Variants in PUS10 observed in about 807,000 individuals in gnomAD.
The protein encoded by PUS10 is tRNA pseudouridine synthase Pus10.
Under a neutral mutation model 75.0 loss-of-function variants are expected in PUS10, and 59 were observed. The ratio of observed to expected loss-of-function variants is 0.79; its 90% CI spans 0.64 to 0.98. The LOEUF (loss-of-function observed/expected upper bound fraction) is 0.98. Ranked by LOEUF, PUS10 falls within the 50% of genes least tolerant of loss-of-function variation. The pLI, the probability that PUS10 is intolerant of heterozygous loss-of-function variation, is 0.00. For missense variants in PUS10, 650 were observed against 614.4 expected (o/e 1.06, Z -0.61); for synonymous variants, 219 against 211.6 (o/e 1.03, Z -0.30).
In PUS10 at chr2:61,008,796, G is replaced by A; in HGVS notation, c.346C>T (p.Leu116Phe). 6.3e-7 allele frequency: 1 copy of A among 1,588,860 alleles called. No homozygotes were observed. Among genetic ancestry groups the A allele is most frequent in the African/African-American group, 1.4e-5 (1 of 73,920 alleles). The change falls in exon 3 of 18, where the codon CTT (leucine) becomes TTT (phenylalanine). Residue 116 changes from leucine (L) to phenylalanine (F), a missense_variant. Transcript: ENST00000316752. ...AAATCTTTCTCACAGAATTCTTGAAGAATTCCTAGGCATACATTACATACA... is the reference window on the plus strand; with the variant it reads ...AAATCTTTCTCACAGAATTCTTGAAAAATTCCTAGGCATACATTACATACA... ...LNVCNVCLGILQEFCEKDFIK... is the reference protein window; with the variant it reads ...LNVCNVCLGIFQEFCEKDFIK...
chr2:61,001,053 G>C (rs930138649), intron 4 of PUS10, among the ~76,000 whole-genome samples: 1 of 152,066 alleles, frequency 6.6e-6, no homozygotes, highest in African/African-American at 2.4e-5. Context: ...CATTTTCCTC[G>C]ACATAAAGGA....
At position 60,990,397 on chromosome 2, in the gene PUS10, A is replaced by G. The variant is rs1256895175; in HGVS notation, c.468+16160T>C. Among the ~76,000 whole-genome samples the G allele has an allele frequency of 2.0e-5, 3 of 152,336 alleles. No individual in the cohort carries two copies. The South Asian group carries it at 6.2e-4, about 32-fold the overall frequency. On this transcript the variant is annotated intron_variant, in intron 4 of 17. Coordinates refer to ENST00000316752, the MANE Select transcript of PUS10 (RefSeq NM_144709.4). ...AAAATTCAGAAGAAGGGAACCAAAG[A>G]TGAGCCAGGTGTTTTGAGCAGCTTT...
chr2:60,946,857 G>T (rs73932666), intron 16 of PUS10, among the ~76,000 whole-genome samples: 19 of 90,522 alleles, frequency 2.1e-4, no homozygotes, highest in African/African-American at 4.3e-4. Context: ...TATATATATA[G>T]ACACACACAC....
chr2:60,985,938 C>CAAA (rs59173202), intron 4 of PUS10, among the ~76,000 whole-genome samples: 1 of 82,144 alleles, frequency 1.2e-5, no homozygotes. Context: ...CAGACTTCAC[C>CAAA]AAAAAAAAAA....
At chr2:61,017,952 CT>C in intron 1 of PUS10, 55 bp downstream of exon 1, 1 of 1,379,348 alleles carries the variant, frequency 7.2e-7, no homozygotes, top group Non-Finnish European at 1.0e-6. Context: ...CCCTTCCCCC[CT>C]TTAACCAATA....
At chr2:60,979,850 A>G (rs1677273715) in intron 4 of PUS10, among the ~76,000 whole-genome samples, 1 of 152,276 alleles carries the variant, frequency 6.6e-6, no homozygotes, top group Non-Finnish European at 1.5e-5. Context: ...GGGAAAAGCA[A>G]GGACAGATCA....
chr2:60,944,117 G>C, intron 17 of PUS10: 1 of 534,258 alleles, frequency 1.9e-6, no homozygotes, highest in Non-Finnish European at 2.4e-6. Flanking sequence ...GACAGTGCAA[G>C]ACCCTGTCTC....
At chr2:60,989,869 T>G (rs927583239) in intron 4 of PUS10, among the ~76,000 whole-genome samples, 1 of 151,894 alleles carries the variant, frequency 6.6e-6, no homozygotes, top group African/African-American at 2.4e-5. Flanking sequence ...AAGTGATCCA[T>G]CCGCCTCGGC....
intron 4 of PUS10, among the ~76,000 whole-genome samples, chr2:60,996,018 G>A (rs1202748993): frequency 6.6e-6 from 1 of 152,164 alleles, no homozygotes; most frequent in Non-Finnish European, 1.5e-5. Flanking sequence ...ATATGTGTCT[G>A]AATAACCTGC....
At chr2:60,950,940 C>G (rs2104204278) in intron 15 of PUS10, among the ~76,000 whole-genome samples, 2 of 152,200 alleles carry the variant, frequency 1.3e-5, no homozygotes, top group Middle Eastern at 6.8e-3. Context: ...TTGAAAAAGG[C>G]TGAAATACTA....
At chr2:60,948,260 CA>C (rs1210469150) in intron 15 of PUS10, 75 bp from the exon 16 acceptor site, 1 of 1,428,974 alleles carries the variant, frequency 7.0e-7, no homozygotes, top group Non-Finnish European at 9.8e-7. Flanking sequence ...GCCCTTCCCT[CA>C]CCATCCATAG....
At chr2:60,948,613 C>G (rs1675139357) in intron 15 of PUS10, among the ~76,000 whole-genome samples, 1 of 151,918 alleles carries the variant, frequency 6.6e-6, no homozygotes, top group Non-Finnish European at 1.5e-5. Context: ...AAGGGTTATA[C>G]AAAAGGATAT....
intron 15 of PUS10, 51 bp downstream of exon 15, chr2:60,952,944 CTT>C: frequency 9.8e-7 from 1 of 1,015,794 alleles, no homozygotes; most frequent in Non-Finnish European, 1.5e-6. Flanking sequence ...ACAATGGGAT[CTT>C]TGATAGGCAA....
At chr2:60,965,022 C>T (rs763194105) in intron 8 of PUS10, 36 bp downstream of exon 8, 1 of 1,601,138 alleles carries the variant, frequency 6.2e-7, no homozygotes, top group Non-Finnish European at 8.5e-7. Flanking sequence ...TCAGACAAAA[C>T]TCACTCAAGA....
chr2:60,967,617 A>C lies in PUS10; in HGVS notation c.504-4T>G. On this transcript the variant is annotated splice_region_variant and splice_polypyrimidine_tract_variant and intron_variant, in intron 5 of 17. Transcript: ENST00000316752. ...TCCCAGCGACAGACTCTGCTTTCTG[A>C]ATAACATAAAAATTAATTCACTGAC... 1 of 1,571,184 alleles carries C rather than the reference A, an allele frequency of 6.4e-7. No individual in the cohort carries two copies.
intron 14 of PUS10, among the ~76,000 whole-genome samples, chr2:60,953,402 T>A (rs182446444): frequency 1.3e-5 from 2 of 152,320 alleles, no homozygotes; most frequent in African/African-American, 4.8e-5. Flanking sequence ...TCTCTATAGA[T>A]TTACCTATTC....
chr2:60,988,939 G>C (rs1320239735), intron 4 of PUS10, among the ~76,000 whole-genome samples: 2 of 151,970 alleles, frequency 1.3e-5, no homozygotes, highest in African/African-American at 4.8e-5. Context: ...CCACCACCTG[G>C]CCAGGCATGC....
chr2:61,015,651 A>G (rs1445702317), intron 1 of PUS10, among the ~76,000 whole-genome samples: 2 of 152,188 alleles, frequency 1.3e-5, no homozygotes, highest in African/African-American at 2.4e-5. Context: ...GAGAGCCAAA[A>G]TCGTGCCACT....
chr2:60,967,811 C>A (rs1676434791), intron 5 of PUS10, among the ~76,000 whole-genome samples, 198 bp from the exon 6 acceptor site: 1 of 152,030 alleles, frequency 6.6e-6, no homozygotes, highest in African/African-American at 2.4e-5. Flanking sequence ...CTAGTGGAAT[C>A]ATGGAATTAC....
Sources: allele counts gnomAD v4.1 joint callset (sites outside exome capture counted in the v4.1 genomes callset), GRCh38; gene constraint gnomAD v4.1.1; transcripts MANE v1.5; gene names NCBI Gene and HGNC (gene_info 2026-07-23, HGNC 2026-07-21).